HNF4G: variants seen among roughly 807,000 people sequenced by gnomAD.
HNF4G encodes hepatocyte nuclear factor 4 gamma, also known as hepatocyte nuclear factor 4-gamma.
HNF4G carries 21 observed loss-of-function variants against 50.9 expected under a neutral mutation model. The observed-to-expected ratio is 0.41, with a 90% confidence interval of 0.29 to 0.59. HNF4G has a LOEUF of 0.59. Ranked by LOEUF, HNF4G falls within the 20% of genes least tolerant of loss-of-function variation. The pLI is 0.26. For missense variants in HNF4G, 527 were observed against 559.4 expected (o/e 0.94, Z 0.58); for synonymous variants, 198 against 185.6 (o/e 1.07, Z -0.54).
chr8:75,560,400 G>T lies in HNF4G; in HGVS notation c.1180G>T (p.Asp394Tyr). 1 of 1,613,156 alleles carries T rather than the reference G, an allele frequency of 6.2e-7. No individual in the cohort carries two copies. Among genetic ancestry groups the T allele is most frequent in the South Asian group, 1.1e-5 (1 of 91,048 alleles). Reference sequence around the variant, plus strand: ...TCCAATGCATCCACATTTGTCTCAAGACCCATTAACTGGACAAACTATACT... The same window carrying T: ...TCCAATGCATCCACATTTGTCTCAATACCCATTAACTGGACAAACTATACT... Reference protein sequence around the residue: ...HHPMHPHLSQDPLTGQTILLG... With the variant: ...HHPMHPHLSQYPLTGQTILLG... Residue 394 changes from aspartate to tyrosine, a missense_variant, in exon 9 of 10, where the codon GAC (aspartate) becomes TAC (tyrosine). Around this residue, in one of 5 missense-constraint regions of HNF4G, gnomAD observed 308 missense variants for 301.5 expected, o/e 1.02. Coordinates refer to ENST00000396423, the MANE Select transcript of HNF4G (RefSeq NM_004133.5).
chr8:75,489,453 T>C (rs544074245), intron 1 of HNF4G, among the ~76,000 whole-genome samples: 2 of 152,308 alleles, frequency 1.3e-5, no homozygotes, highest in African/African-American at 4.8e-5. Context: ...TGAAGTCACA[T>C]AGCAATGGTG....
intron 1 of HNF4G, among the ~76,000 whole-genome samples, chr8:75,464,247 T>TA (rs1811917469): frequency 6.6e-6 from 1 of 151,788 alleles, no homozygotes; most frequent in Non-Finnish European, 1.5e-5. Flanking sequence ...CTTTTTTTTT[T>TA]AACTCAATTT....
chr8:75,513,751 G>C (rs1054716835), intron 2 of HNF4G, among the ~76,000 whole-genome samples: 1 of 150,772 alleles, frequency 6.6e-6, no homozygotes, highest in Non-Finnish European at 1.5e-5. Flanking sequence ...TTCTTACTTT[G>C]CTTTTTAATT....
At chr8:75,409,075 A>C (rs1810431476) in intron 1 of HNF4G, among the ~76,000 whole-genome samples, 1 of 151,882 alleles carries the variant, frequency 6.6e-6, no homozygotes, top group African/African-American at 2.4e-5. Flanking sequence ...GGATACTCTC[A>C]CTCAAGCCAC....
intron 1 of HNF4G, among the ~76,000 whole-genome samples, chr8:75,441,567 A>G (rs193049576): frequency 6.6e-6 from 1 of 152,296 alleles, no homozygotes; most frequent in East Asian, 1.9e-4. Context: ...TTTTAAGTGT[A>G]CAAGAAAATA....
At chr8:75,459,155 C>T (rs548598221) in intron 1 of HNF4G, among the ~76,000 whole-genome samples, 7 of 152,146 alleles carry the variant, frequency 4.6e-5, no homozygotes, top group South Asian at 2.1e-4. Context: ...ATTCCTATTC[C>T]GTAGTAGGAA....
intron 2 of HNF4G, among the ~76,000 whole-genome samples, chr8:75,527,667 A>ATTTGAATTCAATT (rs1341211495): frequency 6.6e-6 from 1 of 152,236 alleles, no homozygotes; most frequent in East Asian, 1.9e-4. Context: ...TTATATTACA[A>ATTTGAATTCAATT]TCAGAATTCA....
At chr8:75,473,400 A>T (rs1217068810) in intron 1 of HNF4G, among the ~76,000 whole-genome samples, 1 of 152,248 alleles carries the variant, frequency 6.6e-6, no homozygotes, top group Non-Finnish European at 1.5e-5. Flanking sequence ...ACACTTGGTC[A>T]CAAGTTAAAA....
intron 1 of HNF4G, among the ~76,000 whole-genome samples, chr8:75,423,617 C>T (rs1023098680): frequency 1.4e-4 from 21 of 151,798 alleles, no homozygotes; most frequent in Non-Finnish European, 3.1e-4. Flanking sequence ...GTCTTGATCT[C>T]CCGACCTCGT....
intron 1 of HNF4G, among the ~76,000 whole-genome samples, chr8:75,411,397 AG>A (rs1810498041): frequency 6.6e-6 from 1 of 152,250 alleles, no homozygotes; most frequent in African/African-American, 2.4e-5. Context: ...GGAGCTACAC[AG>A]ACCTATTGGT....
At chr8:75,431,881 G>A (rs1048452379) in intron 1 of HNF4G, among the ~76,000 whole-genome samples, 2 of 151,150 alleles carry the variant, frequency 1.3e-5, no homozygotes, top group Non-Finnish European at 2.9e-5. Flanking sequence ...AGCCAAGATC[G>A]CACCATTGCA....
intron 1 of HNF4G, among the ~76,000 whole-genome samples, chr8:75,451,356 G>A (rs1811580186): frequency 6.6e-6 from 1 of 151,536 alleles, no homozygotes; most frequent in South Asian, 2.1e-4. Context: ...TTCCATTTGT[G>A]TATTTTTGCT....
chr8:75,527,818 AG>A (rs1806224210), intron 2 of HNF4G, among the ~76,000 whole-genome samples: 1 of 152,202 alleles, frequency 6.6e-6, no homozygotes. Context: ...TGTATCTTTG[AG>A]TGAGTCTATA....
chr8:75,467,477 T>A (rs988451366), intron 1 of HNF4G, among the ~76,000 whole-genome samples: 1 of 152,138 alleles, frequency 6.6e-6, no homozygotes, highest in African/African-American at 2.4e-5. Context: ...CTGGCCAACA[T>A]GGTGAAACCC....
At chr8:75,530,749 G>A (rs117365833) in intron 2 of HNF4G, among the ~76,000 whole-genome samples, 1 of 150,118 alleles carries the variant, frequency 6.7e-6, no homozygotes, top group Non-Finnish European at 1.5e-5. Context: ...AATCATAAAG[G>A]AAAGCATACA....
At chr8:75,532,913 GA>G (rs1806367205) in intron 2 of HNF4G, among the ~76,000 whole-genome samples, 1 of 151,976 alleles carries the variant, frequency 6.6e-6, no homozygotes, top group African/African-American at 2.4e-5. Flanking sequence ...GGATCCTGTA[GA>G]AAAACAATGG....
chr8:75,485,298 A>T (rs1270941802), intron 1 of HNF4G, among the ~76,000 whole-genome samples: 8 of 152,212 alleles, frequency 5.3e-5, no homozygotes, highest in Admixed American at 5.2e-4. Flanking sequence ...TTCAAGTGTG[A>T]ATATTTTGAC....
chr8:75,511,122 T>G (rs1178880498), intron 2 of HNF4G, among the ~76,000 whole-genome samples: 2 of 152,144 alleles, frequency 1.3e-5, no homozygotes, highest in Non-Finnish European at 2.9e-5. Flanking sequence ...TATTATTATA[T>G]TCTAAAAGCC....
intron 1 of HNF4G, among the ~76,000 whole-genome samples, chr8:75,487,821 A>G (rs1812530138): frequency 6.6e-6 from 1 of 152,188 alleles, no homozygotes; most frequent in African/African-American, 2.4e-5. Flanking sequence ...TTTATAAAAG[A>G]AAGAGATTTG....
Sources: gnomAD v4.1 joint callset for allele counts (sites outside exome capture counted in the v4.1 genomes callset) on GRCh38, gnomAD v4.1.1 for gene constraint, gnomAD v4.1.1 regional missense constraint, MANE v1.5 for transcripts, NCBI Gene and HGNC (gene_info 2026-07-23, HGNC 2026-07-21) for gene names.